GABBR2: variants seen among roughly 807,000 people sequenced by gnomAD.
The protein encoded by GABBR2 is gamma-aminobutyric acid type B receptor subunit 2.
In GABBR2, 23 loss-of-function variants were observed where a neutral mutation model predicts 105.6. The observed-to-expected ratio is 0.22, with a 90% CI of 0.16 to 0.31. GABBR2 has a LOEUF of 0.31. Ranked by LOEUF, GABBR2 falls within the 10% of genes least tolerant of loss-of-function variation. GABBR2 has a pLI of 1.00. For missense variants in GABBR2, 734 were observed against 1,245.5 expected (o/e 0.59, Z 6.18); for synonymous variants, 478 against 499.7 (o/e 0.96, Z 0.58).
intron 5 of GABBR2, among the ~76,000 whole-genome samples, chr9:98,474,032 A>C (rs535328768): frequency 6.6e-6 from 1 of 152,320 alleles, no homozygotes; most frequent in Admixed American, 6.5e-5. Flanking sequence ...TTTATCCAAA[A>C]CACAGAGTGT....
intron 2 of GABBR2, among the ~76,000 whole-genome samples, chr9:98,573,906 A>G (rs1447753581): frequency 6.6e-6 from 1 of 152,238 alleles, no homozygotes; most frequent in Non-Finnish European, 1.5e-5. Context: ...CCTCGCCACA[A>G]GAACCAATGT....
chr9:98,592,186 C>T (rs980993574), intron 1 of GABBR2, among the ~76,000 whole-genome samples: 7 of 152,196 alleles, frequency 4.6e-5, no homozygotes, highest in African/African-American at 1.4e-4. Flanking sequence ...TGGCCCCACC[C>T]AAGTATAAGG....
At chr9:98,366,693 G>C (rs1831683361) in intron 12 of GABBR2, among the ~76,000 whole-genome samples, 1 of 152,148 alleles carries the variant, frequency 6.6e-6, no homozygotes, top group Non-Finnish European at 1.5e-5. Flanking sequence ...GTGCCCCTGG[G>C]GCTGAGCTCT....
At chr9:98,555,822 C>T (rs1828575741) in intron 2 of GABBR2, 1 of 152,272 alleles carries the variant, frequency 6.6e-6, no homozygotes, top group Non-Finnish European at 1.5e-5. Context: ...ACTCATTTGT[C>T]CAGGCCTACT....
chr9:98,609,899 A>G (rs1003886446), intron 1 of GABBR2, among the ~76,000 whole-genome samples: 4 of 152,352 alleles, frequency 2.6e-5, no homozygotes, highest in African/African-American at 9.6e-5. Context: ...AGGGCTTGCC[A>G]TCGAAGCACT....
At chr9:98,658,474 C>T (rs1416803372) in intron 1 of GABBR2, among the ~76,000 whole-genome samples, 1 of 152,136 alleles carries the variant, frequency 6.6e-6, no homozygotes, top group Non-Finnish European at 1.5e-5. Context: ...TAGCTTTTCC[C>T]ACTAGATGAT....
chr9:98,694,247 G>T (rs908875767), intron 1 of GABBR2, among the ~76,000 whole-genome samples: 1 of 152,164 alleles, frequency 6.6e-6, no homozygotes, highest in African/African-American at 2.4e-5. Flanking sequence ...TGAGGTCTAG[G>T]CCCCGCTGAT....
chr9:98,455,527 A>T (rs2131605573), intron 6 of GABBR2, among the ~76,000 whole-genome samples: 1 of 152,334 alleles, frequency 6.6e-6, no homozygotes, highest in Middle Eastern at 3.4e-3. Flanking sequence ...AGAGGTGCAG[A>T]GACATGTCCA....
chr9:98,674,012 A>C (rs1003092093), intron 1 of GABBR2, among the ~76,000 whole-genome samples: 7 of 152,172 alleles, frequency 4.6e-5, no homozygotes, highest in Non-Finnish European at 1.0e-4. Context: ...AATGGTTTAT[A>C]AACTTTGCTT....
At chr9:98,508,904 C>A (rs544253429) in intron 3 of GABBR2, among the ~76,000 whole-genome samples, 1 of 152,292 alleles carries the variant, frequency 6.6e-6, no homozygotes, top group Non-Finnish European at 1.5e-5. Flanking sequence ...CCCTGTCTGA[C>A]AGCTTTGAAG....
At chr9:98,295,468 G>T (rs1830365208) in intron 17 of GABBR2, among the ~76,000 whole-genome samples, 1 of 152,152 alleles carries the variant, frequency 6.6e-6, no homozygotes, top group Non-Finnish European at 1.5e-5. Context: ...CTTCCATCAG[G>T]CATGAGCTAT....
intron 1 of GABBR2, among the ~76,000 whole-genome samples, chr9:98,596,780 C>T (rs765151027): frequency 1.1e-4 from 16 of 152,166 alleles, no homozygotes; most frequent in African/African-American, 1.9e-4. Context: ...CAGCTGCCTC[C>T]GCGTTTGGAG....
intron 1 of GABBR2, among the ~76,000 whole-genome samples, chr9:98,632,107 G>T (rs560221221): frequency 1.3e-5 from 2 of 152,146 alleles, no homozygotes; most frequent in Admixed American, 1.3e-4. Flanking sequence ...GCCAGGTAGC[G>T]TTTGTTCTGT....
At chr9:98,300,562 C>T (rs148165803) in intron 16 of GABBR2, among the ~76,000 whole-genome samples, 2 of 152,298 alleles carry the variant, frequency 1.3e-5, no homozygotes, top group African/African-American at 4.8e-5. Flanking sequence ...GGGTGTTGAA[C>T]ATCTGTGATA....
rs191980719 is a variant in GABBR2, at chr9:98,484,674, C to T, written c.733-3677G>A. 6.2e-3 allele frequency among the ~76,000 whole-genome samples: 936 copies of T among 152,106 alleles called. 1 individual carries two copies. The highest frequency in any genetic ancestry group is 1.0e-2 in the Non-Finnish European group (679 of 67,996). Reference sequence around the variant, plus strand: ...CATTCTAGAGCACGAGGAGGTGTCCCGAGTGTAGGAAGTGCAGATATACTG... The same window carrying T: ...CATTCTAGAGCACGAGGAGGTGTCCTGAGTGTAGGAAGTGCAGATATACTG... On this transcript the variant is annotated intron_variant, in intron 4 of 18. Coordinates refer to ENST00000259455, the MANE Select transcript of GABBR2 (RefSeq NM_005458.8).
chr9:98,438,027 T>A (rs1277911037), intron 7 of GABBR2, among the ~76,000 whole-genome samples: 1 of 150,498 alleles, frequency 6.6e-6, no homozygotes, highest in African/African-American at 2.5e-5. Context: ...TCTATCCACC[T>A]ACCCACGTAT....
intron 1 of GABBR2, among the ~76,000 whole-genome samples, chr9:98,669,066 A>T (rs897911394): frequency 1.3e-5 from 2 of 152,178 alleles, no homozygotes; most frequent in African/African-American, 4.8e-5. Context: ...TCCTTCCAGA[A>T]GTGGAATTAC....
rs148539332 is a variant in GABBR2 at position 98,292,902 on chromosome 9, A to G, written c.2660+883T>C. 7.9e-5 allele frequency among the ~76,000 whole-genome samples: 12 copies of G among 152,244 alleles called. No individual in the cohort carries two copies. The South Asian group carries it at 1.5e-3, about 18-fold the overall frequency. ...CATAACTTACTCTCAAGGTGCTTAC[A>G]CTCTACTGGAGGCAACTGCTAGGCA... On this transcript the variant is annotated intron_variant, in intron 18 of 18. Coordinates refer to ENST00000259455, the MANE Select transcript of GABBR2 (RefSeq NM_005458.8).
intron 15 of GABBR2, 97 bp from the exon 16 acceptor site, chr9:98,303,520 G>A: frequency 9.5e-7 from 1 of 1,049,422 alleles, no homozygotes; most frequent in Non-Finnish European, 1.4e-6. Context: ...CTGCTCTGGA[G>A]GCGATAAGAG....
Sources: gnomAD v4.1 joint callset for allele counts (sites outside exome capture counted in the v4.1 genomes callset) on GRCh38, gnomAD v4.1.1 for gene constraint, MANE v1.5 for transcripts, NCBI Gene and HGNC (gene_info 2026-07-23, HGNC 2026-07-21) for gene names.